Variants in CNTN4 observed in about 807,000 individuals in gnomAD.
CNTN4 encodes contactin 4.
Under a neutral mutation model 122.5 loss-of-function variants are expected in CNTN4, and 77 were observed. That is an observed-to-expected ratio of 0.63 (90% CI 0.52 to 0.76). The LOEUF is 0.76. Among genes scored for constraint, CNTN4 ranks in the 30% least tolerant of loss-of-function variants. The pLI is 0.00. For synonymous variants in CNTN4, 512 were observed against 447.0 expected (o/e 1.15, Z -1.83); for missense variants, 1,256 against 1,259.1 (o/e 1.00, Z 0.04).
chr3:2,382,872 G>A (rs1036478943), intron 3 of CNTN4, among the ~76,000 whole-genome samples: 4 of 152,030 alleles, frequency 2.6e-5, no homozygotes, highest in African/African-American at 9.7e-5. Context: ...TCAGGAGTTC[G>A]AGACCAGCCT....
At chr3:2,101,921 T>C (rs1470724558) in intron 2 of CNTN4, among the ~76,000 whole-genome samples, 1 of 152,198 alleles carries the variant, frequency 6.6e-6, no homozygotes, top group Admixed American at 6.5e-5. Context: ...TCTCCTTATC[T>C]CTGCTCTGCT....
intron 4 of CNTN4, among the ~76,000 whole-genome samples, chr3:2,625,621 C>G (rs949539655): frequency 6.6e-6 from 1 of 152,176 alleles, no homozygotes; most frequent in African/African-American, 2.4e-5. Context: ...TTCTTTCACT[C>G]AGCTTAAGTT....
intron 2 of CNTN4, among the ~76,000 whole-genome samples, chr3:2,245,128 G>A (rs796088329): frequency 1.3e-5 from 2 of 152,068 alleles, no homozygotes; most frequent in Admixed American, 6.6e-5. Context: ...AAACAGAATT[G>A]TTCCCATATC....
intron 2 of CNTN4, among the ~76,000 whole-genome samples, chr3:2,328,775 T>C (rs2043584098): frequency 6.6e-6 from 1 of 152,170 alleles, no homozygotes; most frequent in East Asian, 1.9e-4. Flanking sequence ...TGATTTAAAA[T>C]ATACTGGAGG....
At chr3:2,626,178 A>G (rs1001423487) in intron 4 of CNTN4, among the ~76,000 whole-genome samples, 1 of 152,186 alleles carries the variant, frequency 6.6e-6, no homozygotes, top group Admixed American at 6.5e-5. Context: ...AGCTCTTAAT[A>G]TTAACATAGT....
At chr3:2,568,792 C>G (rs536600807) in intron 3 of CNTN4, among the ~76,000 whole-genome samples, 1 of 152,086 alleles carries the variant, frequency 6.6e-6, no homozygotes, top group South Asian at 2.1e-4. Context: ...CAATAGGATT[C>G]GTGAAATTCT....
intron 3 of CNTN4, among the ~76,000 whole-genome samples, chr3:2,453,437 G>A (rs1211331271): frequency 1.3e-5 from 2 of 152,102 alleles, no homozygotes; most frequent in African/African-American, 4.8e-5. Context: ...CTTGTTGTTA[G>A]TACTTATGAG....
intron 6 of CNTN4, among the ~76,000 whole-genome samples, chr3:2,777,632 G>A (rs2091377947): frequency 1.3e-5 from 2 of 152,098 alleles, no homozygotes; most frequent in African/African-American, 2.4e-5. Flanking sequence ...CTGCCACACA[G>A]CATGTAACAA....
intron 4 of CNTN4, among the ~76,000 whole-genome samples, chr3:2,644,435 C>T (rs2083028932): frequency 6.6e-6 from 1 of 152,080 alleles, no homozygotes; most frequent in Non-Finnish European, 1.5e-5. Context: ...CTTTCAGAAA[C>T]TCTCTTGAGT....
chr3:2,776,160 G>T (rs2091306713), intron 6 of CNTN4, among the ~76,000 whole-genome samples: 1 of 152,080 alleles, frequency 6.6e-6, no homozygotes, highest in African/African-American at 2.4e-5. Context: ...AAAGTGGGGA[G>T]ATTTGAGGGC....
At chr3:2,343,942 C>T (rs2044301571) in intron 3 of CNTN4, among the ~76,000 whole-genome samples, 1 of 152,140 alleles carries the variant, frequency 6.6e-6, no homozygotes, top group Non-Finnish European at 1.5e-5. Context: ...AAAGGGGCAG[C>T]AGGCATGCCA....
At chr3:2,766,485 C>T (rs781553363) in intron 6 of CNTN4, among the ~76,000 whole-genome samples, 1 of 152,168 alleles carries the variant, frequency 6.6e-6, no homozygotes, top group Non-Finnish European at 1.5e-5. Flanking sequence ...TAAGTGAAGT[C>T]ACTCAGGAAT....
intron 10 of CNTN4, among the ~76,000 whole-genome samples, chr3:2,894,469 T>C (rs368909750): frequency 7.2e-5 from 11 of 152,352 alleles, no homozygotes; most frequent in African/African-American, 2.6e-4. Context: ...TGGATGTTAA[T>C]GTCTCTGGGC....
intron 2 of CNTN4, among the ~76,000 whole-genome samples, chr3:2,300,431 G>A (rs1283845009): frequency 6.6e-6 from 1 of 152,004 alleles, no homozygotes; most frequent in Non-Finnish European, 1.5e-5. Flanking sequence ...TAAAACCAAA[G>A]ACATTGAAAA....
intron 3 of CNTN4, among the ~76,000 whole-genome samples, chr3:2,455,055 A>T (rs2048948077): frequency 6.6e-6 from 1 of 151,428 alleles, no homozygotes; most frequent in South Asian, 2.1e-4. Context: ...CAAAAATAAA[A>T]CCAGTAAATA....
Position 2,421,742 on chromosome 3 carries a change from T to C in CNTN4, c.-89+82509T>C, listed in dbSNP as rs1349263946. Reference sequence around the variant, plus strand: ...AACACCAAGACCATTTGTAATACAATTGCTGACTATTGAATATTTACTTTG... The same window carrying C: ...AACACCAAGACCATTTGTAATACAACTGCTGACTATTGAATATTTACTTTG... On this transcript the variant is annotated intron_variant, in intron 3 of 24. Coordinates refer to ENST00000418658, the MANE Select transcript of CNTN4 (RefSeq NM_175607.3). Among the ~76,000 whole-genome samples the C allele has an allele frequency of 1.3e-5, 2 of 152,198 alleles. 1 individual carries two copies. The highest frequency in any genetic ancestry group is 1.3e-4 in the Admixed American group (2 of 15,278).
In CNTN4 at chr3:2,335,901, G is replaced by A. The variant is rs756434204; in HGVS notation, c.-144-3277G>A. Among the ~76,000 whole-genome samples the A allele has an allele frequency of 5.3e-5, 8 of 152,186 alleles. No homozygotes were observed. In the South Asian group the frequency reaches 1.2e-3, roughly 24 times the overall value. On this transcript the variant is annotated intron_variant, in intron 2 of 24. Transcript: ENST00000418658. ...TAGTTTATAATAACTAAGACTATAC[G>A]TTGGATCCATTCAATCATTGAGCAT...
At chr3:2,368,669 TAAAA>T (rs34186285) in intron 3 of CNTN4, among the ~76,000 whole-genome samples, 1 of 151,244 alleles carries the variant, frequency 6.6e-6, no homozygotes, top group Non-Finnish European at 1.5e-5. Context: ...TCTTAAATAA[TAAAA>T]AAAAACTGAA....
chr3:2,627,675 A>G (rs1010720836), intron 4 of CNTN4, among the ~76,000 whole-genome samples: 2 of 151,722 alleles, frequency 1.3e-5, no homozygotes, highest in Non-Finnish European at 2.9e-5. Flanking sequence ...TTGTATTTTT[A>G]GTAGAGACGG....
Sources: gnomAD v4.1 joint callset for allele counts (sites outside exome capture counted in the v4.1 genomes callset) on GRCh38, gnomAD v4.1.1 for gene constraint, MANE v1.5 for transcripts, NCBI Gene and HGNC (gene_info 2026-07-23, HGNC 2026-07-21) for gene names.